Variants in CNTNAP5 observed in about 807,000 individuals in gnomAD.
The protein encoded by CNTNAP5 is contactin associated protein family member 5.
Under a neutral mutation model 150.2 loss-of-function variants are expected in CNTNAP5, and 72 were observed. The ratio of observed to expected loss-of-function variants is 0.48; its 90% CI spans 0.40 to 0.58. The LOEUF is 0.58. Among genes scored for constraint, CNTNAP5 ranks in the 20% least tolerant of loss-of-function variants. The pLI is 0.00. For synonymous variants in CNTNAP5, 672 were observed against 619.8 expected, an observed-to-expected ratio of 1.08 and a Z score of -1.25; for missense variants, 1,636 against 1,626.2, an observed-to-expected ratio of 1.01 and a Z score of -0.10.
intron 3 of CNTNAP5, among the ~76,000 whole-genome samples, chr2:124,291,943 G>A (rs920872610): frequency 1.3e-5 from 2 of 151,926 alleles, no homozygotes; most frequent in Admixed American, 6.6e-5. Flanking sequence ...ATATTTTAAA[G>A]CCATTTTAAA....
chr2:124,706,931 AAGAAGAAGAAGG>A (rs1679673291), intron 13 of CNTNAP5, among the ~76,000 whole-genome samples: 5 of 106,024 alleles, frequency 4.7e-5, no homozygotes, highest in African/African-American at 1.7e-4. Flanking sequence ...GAAGAAGAAG[AAGAAGAAGAAGG>A]AGGAGGAGGA....
intron 1 of CNTNAP5, among the ~76,000 whole-genome samples, chr2:124,191,060 ATATATACCTATG>A (rs1266036929): frequency 1.3e-5 from 2 of 152,200 alleles, no homozygotes; most frequent in African/African-American, 2.4e-5. Context: ...AAAGCTGTAA[ATATATACCTATG>A]TTTTCATGGA....
chr2:124,864,336 A>G (rs2104719063), intron 19 of CNTNAP5, among the ~76,000 whole-genome samples: 1 of 152,322 alleles, frequency 6.6e-6, no homozygotes, highest in South Asian at 2.1e-4. Context: ...ATTATCTCAC[A>G]CATTTATCAC....
chr2:124,380,673 A>G (rs904510704), intron 3 of CNTNAP5, among the ~76,000 whole-genome samples: 4 of 152,138 alleles, frequency 2.6e-5, no homozygotes, highest in Non-Finnish European at 5.9e-5. Context: ...GTCTGTATCC[A>G]ATAAATCTCC....
chr2:124,626,488 G>A (rs1237227406), intron 12 of CNTNAP5, among the ~76,000 whole-genome samples: 1 of 152,030 alleles, frequency 6.6e-6, no homozygotes, highest in Non-Finnish European at 1.5e-5. Context: ...GTACCTCCCC[G>A]CTGAGCCAAG....
intron 3 of CNTNAP5, among the ~76,000 whole-genome samples, chr2:124,302,260 C>CAAAT (rs527957243): frequency 6.6e-6 from 1 of 152,308 alleles, no homozygotes; most frequent in African/African-American, 2.4e-5. Flanking sequence ...TAAGAATAAA[C>CAAAT]AAATAAATAA....
chr2:124,396,326 C>T (rs922329724), intron 3 of CNTNAP5, among the ~76,000 whole-genome samples: 1 of 152,122 alleles, frequency 6.6e-6, no homozygotes, highest in East Asian at 1.9e-4. Flanking sequence ...GTTTATCCAG[C>T]GTTAATTCCC....
intron 17 of CNTNAP5, among the ~76,000 whole-genome samples, chr2:124,789,216 C>T (rs908327429): frequency 5.3e-5 from 8 of 152,274 alleles, no homozygotes; most frequent in African/African-American, 1.9e-4. Context: ...CTGTGCCTTC[C>T]ACTTCAGATG....
At chr2:124,244,574 G>A (rs2104771596) in intron 3 of CNTNAP5, among the ~76,000 whole-genome samples, 1 of 152,240 alleles carries the variant, frequency 6.6e-6, no homozygotes, top group East Asian at 1.9e-4. Flanking sequence ...TGGCTGCAGG[G>A]CAATTGGGAG....
intron 3 of CNTNAP5, among the ~76,000 whole-genome samples, chr2:124,360,259 T>A (rs1690158948): frequency 6.6e-6 from 1 of 151,610 alleles, no homozygotes; most frequent in South Asian, 2.1e-4. Flanking sequence ...TGACTCTTTA[T>A]CCAATTTGCC....
At chr2:124,119,851 A>G (rs1683519027) in intron 1 of CNTNAP5, among the ~76,000 whole-genome samples, 1 of 152,216 alleles carries the variant, frequency 6.6e-6, no homozygotes, top group Non-Finnish European at 1.5e-5. Flanking sequence ...GGAAGAAACC[A>G]CTGCAGGCTC....
At chr2:124,379,479 GC>G (rs1690735400) in intron 3 of CNTNAP5, among the ~76,000 whole-genome samples, 1 of 151,952 alleles carries the variant, frequency 6.6e-6, no homozygotes, top group Non-Finnish European at 1.5e-5. Context: ...TCTTTTCATG[GC>G]CTGATAGCTT....
chr2:124,376,643 A>C (rs1298777686), intron 3 of CNTNAP5, among the ~76,000 whole-genome samples: 1 of 152,030 alleles, frequency 6.6e-6, no homozygotes, highest in Non-Finnish European at 1.5e-5. Flanking sequence ...TGGGAGGTGG[A>C]AATTTGTGAT....
chr2:124,431,547 T>A (rs6758458), intron 4 of CNTNAP5, among the ~76,000 whole-genome samples: 1 of 92,138 alleles, frequency 1.1e-5, no homozygotes, highest in Non-Finnish European at 2.3e-5. Context: ...TTTATATAAA[T>A]ATTATATATA....
At chr2:124,096,719 AT>A (rs1573750710) in intron 1 of CNTNAP5, among the ~76,000 whole-genome samples, 2 of 151,880 alleles carry the variant, frequency 1.3e-5, no homozygotes, top group East Asian at 3.9e-4. Context: ...TTTATTTATT[AT>A]AGAGACAGAG....
intron 1 of CNTNAP5, among the ~76,000 whole-genome samples, chr2:124,101,831 T>C (rs1236306461): frequency 1.3e-5 from 2 of 152,188 alleles, no homozygotes; most frequent in African/African-American, 2.4e-5. Context: ...CCATTCCACA[T>C]TGATCACTTA....
chr2:124,293,941 T>C (rs1688361736), intron 3 of CNTNAP5, among the ~76,000 whole-genome samples: 1 of 151,954 alleles, frequency 6.6e-6, no homozygotes, highest in Non-Finnish European at 1.5e-5. Flanking sequence ...AGAAAGAATG[T>C]AGATATATAG....
intron 12 of CNTNAP5, among the ~76,000 whole-genome samples, chr2:124,622,330 A>G (rs1436149607): frequency 6.6e-6 from 1 of 152,144 alleles, no homozygotes. Flanking sequence ...ATAGTATTCC[A>G]TGGTGCATAT....
At chr2:124,155,779 G>A (rs1182986118) in intron 1 of CNTNAP5, among the ~76,000 whole-genome samples, 2 of 152,174 alleles carry the variant, frequency 1.3e-5, no homozygotes, top group African/African-American at 4.8e-5. Context: ...GCTGAGCCAT[G>A]GAATTCATGG....
Sources: gnomAD v4.1 joint callset for allele counts (sites outside exome capture counted in the v4.1 genomes callset) on GRCh38, gnomAD v4.1.1 for gene constraint, MANE v1.5 for transcripts, NCBI Gene and HGNC (gene_info 2026-07-23, HGNC 2026-07-21) for gene names.